The following FCHO2 variants were observed in gnomAD, a reference collection of about 807,000 sequenced individuals.
FCHO2 encodes the protein FCH and mu domain containing endocytic adaptor 2, also known as F-BAR domain only protein 2.
In FCHO2, 43 loss-of-function variants were observed where a neutral mutation model predicts 114.1. The ratio of observed to expected loss-of-function variants is 0.38; its 90% confidence interval spans 0.30 to 0.49. The LOEUF (loss-of-function observed/expected upper bound fraction) is 0.49, where lower values mean the gene tolerates loss of function less well. Among genes scored for constraint, FCHO2 ranks in the 20% least tolerant of loss-of-function variants. The pLI is 0.97. For synonymous variants in FCHO2, 293 were observed against 315.2 expected, an observed-to-expected ratio of 0.93 and a Z score of 0.75; for missense variants, 807 against 950.4, an observed-to-expected ratio of 0.85 and a Z score of 1.98.
In FCHO2 at chr5:73,078,237, T is replaced by C. The variant is rs1218873686; in HGVS notation, c.1905T>C (p.Val635=). The stretch of plus-strand genomic sequence containing the variant: ...ATTTTTGGATGAACATGCAAGCTGT[T>C]ACAGTCTACCTCAAGAAGCTGTCAG... ...TKDFWMNMQA[V]TVYLKKLSEQ... Residue 635 remains valine (V), a synonymous_variant, in exon 22 of 26, where the codon GTT becomes GTC. Coordinates refer to ENST00000430046, the MANE Select transcript of FCHO2 (RefSeq NM_138782.3). 7 of 1,591,652 alleles carry C rather than the reference T, an allele frequency of 4.4e-6. No homozygotes were observed. In the East Asian group the frequency reaches 1.6e-4, roughly 36 times the overall value.
intron 5 of FCHO2, among the ~76,000 whole-genome samples, chr5:72,991,463 T>C (rs1289560624): frequency 6.6e-6 from 1 of 152,214 alleles, no homozygotes; most frequent in East Asian, 1.9e-4. Context: ...AACCATGAGG[T>C]AAAATTGTTT....
chr5:72,992,215 TG>T (rs1037703932), intron 5 of FCHO2, among the ~76,000 whole-genome samples: 6 of 152,006 alleles, frequency 3.9e-5, no homozygotes, highest in African/African-American at 1.2e-4. Flanking sequence ...GTGTCACAGA[TG>T]AAAAAAATGA....
chr5:73,050,093 A>G (rs563131259), intron 11 of FCHO2, among the ~76,000 whole-genome samples: 1 of 152,122 alleles, frequency 6.6e-6, no homozygotes, highest in Non-Finnish European at 1.5e-5. Flanking sequence ...GCGATACATC[A>G]TATATATCTT....
chr5:73,035,028 T>G (rs1226696738), intron 9 of FCHO2, among the ~76,000 whole-genome samples: 1 of 152,206 alleles, frequency 6.6e-6, no homozygotes, highest in East Asian at 1.9e-4. Flanking sequence ...GCCTTGTTAA[T>G]CCATGTTTAA....
intron 2 of FCHO2, among the ~76,000 whole-genome samples, chr5:72,973,742 T>C (rs1433819631): frequency 4.6e-5 from 7 of 151,548 alleles, no homozygotes; most frequent in Non-Finnish European, 1.0e-4. Flanking sequence ...TGCCTTCTGC[T>C]AGCTTTCGAA....
At chr5:73,017,477 T>C (rs1003126445) in intron 8 of FCHO2, among the ~76,000 whole-genome samples, 169 bp downstream of exon 8, 1 of 152,174 alleles carries the variant, frequency 6.6e-6, no homozygotes, top group African/African-American at 2.4e-5. Context: ...AAATGGAGTA[T>C]ACCTAAAAAT....
At chr5:73,083,086 A>G (rs111588614) in intron 24 of FCHO2, among the ~76,000 whole-genome samples, 2,518 of 151,780 alleles carry the variant, frequency 0.017, 73 homozygotes, top group African/African-American at 0.053. Flanking sequence ...GGGTTTCACT[A>G]TGTTACCCAG....
chr5:73,064,035 T>G, intron 18 of FCHO2, 91 bp downstream of exon 18: 1 of 1,251,974 alleles, frequency 8.0e-7, no homozygotes, highest in South Asian at 1.4e-5. Flanking sequence ...AGTTAATTGC[T>G]TGAAGTTTTC....
At chr5:72,986,695 A>G (rs1411551145) in intron 2 of FCHO2, among the ~76,000 whole-genome samples, 4 of 152,200 alleles carry the variant, frequency 2.6e-5, no homozygotes, top group Non-Finnish European at 5.9e-5. Context: ...GCTTGGGAGC[A>G]GAAGTCTTTT....
chr5:73,051,878 T>C (rs999309279), intron 12 of FCHO2, among the ~76,000 whole-genome samples: 3 of 151,718 alleles, frequency 2.0e-5, no homozygotes, highest in African/African-American at 7.3e-5. Flanking sequence ...CCTTGACATA[T>C]TTTTATTAAT....
intron 1 of FCHO2, among the ~76,000 whole-genome samples, chr5:72,960,711 C>G (rs1579993585): frequency 1.3e-5 from 2 of 151,926 alleles, no homozygotes; most frequent in South Asian, 4.1e-4. Context: ...TTTATGTAAA[C>G]CCAGATTATT....
intron 24 of FCHO2, among the ~76,000 whole-genome samples, chr5:73,085,556 C>G (rs1743269760): frequency 6.8e-6 from 1 of 148,066 alleles, no homozygotes; most frequent in South Asian, 2.2e-4. Context: ...AGGTGGATCA[C>G]TTGAGGCCAG....
intron 8 of FCHO2, among the ~76,000 whole-genome samples, chr5:73,028,428 A>T (rs532136887): frequency 2.0e-5 from 3 of 152,320 alleles, no homozygotes; most frequent in South Asian, 2.1e-4. Flanking sequence ...ATGAATGTTC[A>T]TGGCAGTTTT....
At chr5:73,035,252 TA>T (rs1297180966) in intron 9 of FCHO2, among the ~76,000 whole-genome samples, 3 of 152,032 alleles carry the variant, frequency 2.0e-5, no homozygotes, top group Non-Finnish European at 4.4e-5. Flanking sequence ...ACCCCATCTC[TA>T]CAAAAAAACT....
At chr5:73,037,883 C>CTTA (rs1209734321) in intron 10 of FCHO2, 1 of 309,980 alleles carries the variant, frequency 3.2e-6, no homozygotes, top group Admixed American at 4.2e-5. Context: ...CCTCAGCCTC[C>CTTA]CAAGTAGCTG....
At position 73,063,883 on chromosome 5, in the gene FCHO2, C is replaced by G; in HGVS notation, c.1388C>G (p.Pro463Arg). The G allele has an allele frequency of 1.2e-6, 2 of 1,612,210 alleles. No homozygotes were observed. The highest frequency in any genetic ancestry group is 1.7e-6 in the Non-Finnish European group (2 of 1,178,944). ...CTTTCTGTAGGCACCATTGTCCCAC[C>G]TCCGAGGCCTGCTTCCAGACCAAAG... Reference protein sequence around the residue: ...TPLSVGTIVPPPRPASRPKLT... With the variant: ...TPLSVGTIVPRPRPASRPKLT... Residue 463 changes from proline to arginine, a missense_variant, in exon 18 of 26, where the codon CCT becomes CGT. By Grantham distance (103) the Pro-to-Arg change is moderately radical. Coordinates refer to ENST00000430046, the MANE Select transcript of FCHO2 (RefSeq NM_138782.3).
intron 9 of FCHO2, 125 bp downstream of exon 9, chr5:73,034,826 A>G: frequency 1.5e-6 from 1 of 676,040 alleles, no homozygotes; most frequent in Non-Finnish European, 2.3e-6. Flanking sequence ...GAATGCTGTA[A>G]AAATCTGAAA....
In FCHO2 at chr5:72,966,527, T is replaced by C. The variant is rs149975187; in HGVS notation, c.34-1971T>C. Among the ~76,000 whole-genome samples the C allele has an allele frequency of 8.8e-3, 1,337 of 152,364 alleles. 13 individuals carry two copies. Among genetic ancestry groups the C allele is most frequent in the Middle Eastern group, 0.014 (4 of 294 alleles). ...GGATTCACAAGAGGCTGTGGTTTTA[T>C]GTTATATTCTTCTTAATAAATGGAA... On this transcript the variant is annotated intron_variant, in intron 1 of 25. Transcript: ENST00000430046.
At chr5:73,076,591 T>C (rs973063504) in intron 20 of FCHO2, among the ~76,000 whole-genome samples, 1 of 152,188 alleles carries the variant, frequency 6.6e-6, no homozygotes, top group African/African-American at 2.4e-5. Context: ...CAGTGCAGAA[T>C]TGCTGGGATT....
Sources: gnomAD v4.1 joint callset for allele counts (sites outside exome capture counted in the v4.1 genomes callset) on GRCh38, gnomAD v4.1.1 for gene constraint, MANE v1.5 for transcripts, NCBI Gene and HGNC (gene_info 2026-07-23, HGNC 2026-07-21) for gene names.